Variants in ENTREP2 observed in about 807,000 individuals in gnomAD.
ENTREP2 encodes the protein protein ENTREP2.
chr15:29,625,237 T>C, the ENTREP2 span, among the ~76,000 whole-genome samples: 1 of 152,166 alleles, frequency 6.6e-6, no homozygotes, highest in African/African-American at 2.4e-5. Context: ...TATTTTCTTT[T>C]ATGGATGAAC....
At chr15:29,610,833 T>G in the ENTREP2 span, 3 of 136,998 alleles carry the variant, frequency 2.2e-5, no homozygotes, top group African/African-American at 7.8e-5. Flanking sequence ...GGACTCTTCC[T>G]CCTTCTTTAT....
At chr15:29,642,514 A>G in the ENTREP2 span, among the ~76,000 whole-genome samples, 5 of 148,158 alleles carry the variant, frequency 3.4e-5, no homozygotes, top group African/African-American at 7.4e-5. Context: ...TATATCATAT[A>G]TACATATATA....
At chr15:29,236,399 AC>A in the ENTREP2 span, among the ~76,000 whole-genome samples, 1 of 152,050 alleles carries the variant, frequency 6.6e-6, no homozygotes. Flanking sequence ...TAATCCTAGC[AC>A]TTTTGGAGGC....
At chr15:29,625,973 A>C in the ENTREP2 span, among the ~76,000 whole-genome samples, 1 of 151,928 alleles carries the variant, frequency 6.6e-6, no homozygotes, top group African/African-American at 2.4e-5. Flanking sequence ...CAGCCTCCTA[A>C]GTAGCTGGAA....
the ENTREP2 span, among the ~76,000 whole-genome samples, chr15:29,245,144 C>T: frequency 6.6e-6 from 1 of 152,012 alleles, no homozygotes; most frequent in Admixed American, 6.6e-5. Flanking sequence ...TAAAAAACTG[C>T]AAAAAGTCTT....
At chr15:29,230,456 T>C in the ENTREP2 span, among the ~76,000 whole-genome samples, 2 of 152,178 alleles carry the variant, frequency 1.3e-5, no homozygotes, top group Non-Finnish European at 2.9e-5. Context: ...TGAAAATATT[T>C]AGAGAATATG....
the ENTREP2 span, among the ~76,000 whole-genome samples, chr15:29,421,930 A>G: frequency 6.6e-6 from 1 of 152,218 alleles, no homozygotes; most frequent in Non-Finnish European, 1.5e-5. Context: ...ACATCCTGCC[A>G]GATGCTAAAG....
the ENTREP2 span, among the ~76,000 whole-genome samples, chr15:29,130,427 C>A: frequency 6.6e-6 from 1 of 152,162 alleles, no homozygotes; most frequent in Non-Finnish European, 1.5e-5. Context: ...AATGTCCTAA[C>A]GGTTTGTTTC....
the ENTREP2 span, among the ~76,000 whole-genome samples, chr15:29,404,394 C>T: frequency 6.6e-6 from 1 of 151,992 alleles, no homozygotes; most frequent in Non-Finnish European, 1.5e-5. Context: ...CTCCACTCCC[C>T]AGTCCTGCTC....
the ENTREP2 span, among the ~76,000 whole-genome samples, chr15:29,134,439 T>C: frequency 0.066 from 10,030 of 152,190 alleles, 1,152 homozygotes; most frequent in African/African-American, 0.23. Flanking sequence ...GGGTGGCTGC[T>C]TGGGGACTGT....
At chr15:29,614,748 A>T in the ENTREP2 span, among the ~76,000 whole-genome samples, 1 of 152,210 alleles carries the variant, frequency 6.6e-6, no homozygotes, top group Non-Finnish European at 1.5e-5. Flanking sequence ...GGAAGGTAGA[A>T]GGTGGCAGGA....
the ENTREP2 span, among the ~76,000 whole-genome samples, chr15:29,277,673 G>T: frequency 6.6e-6 from 1 of 152,158 alleles, no homozygotes. Flanking sequence ...AACAGGCCAC[G>T]AACTGGTACT....
At chr15:29,565,104 G>T in the ENTREP2 span, among the ~76,000 whole-genome samples, 2 of 152,086 alleles carry the variant, frequency 1.3e-5, no homozygotes, top group African/African-American at 4.8e-5. Flanking sequence ...TTTCTATCTG[G>T]CAAGACATCA....
the ENTREP2 span, among the ~76,000 whole-genome samples, chr15:29,272,786 T>C: frequency 1.3e-5 from 2 of 152,160 alleles, no homozygotes; most frequent in Non-Finnish European, 1.5e-5. Context: ...TATTCCAAAA[T>C]TGGCAGTGTT....
At chr15:29,291,859 T>C in the ENTREP2 span, among the ~76,000 whole-genome samples, 1 of 152,158 alleles carries the variant, frequency 6.6e-6, no homozygotes, top group South Asian at 2.1e-4. Context: ...GCATAGGTTT[T>C]TTTTTTCTTC....
chr15:29,240,128 C>T, the ENTREP2 span, among the ~76,000 whole-genome samples: 1 of 152,186 alleles, frequency 6.6e-6, no homozygotes, highest in African/African-American at 2.4e-5. Context: ...TTTGGGAGGC[C>T]GAGGCGGGCG....
At chr15:29,491,759 A>T in the ENTREP2 span, among the ~76,000 whole-genome samples, 2 of 152,176 alleles carry the variant, frequency 1.3e-5, no homozygotes, top group Non-Finnish European at 2.9e-5. Context: ...AGGGGAAATT[A>T]TTTACCTTTT....
the ENTREP2 span, among the ~76,000 whole-genome samples, chr15:29,180,786 T>C: frequency 6.6e-6 from 1 of 151,688 alleles, no homozygotes; most frequent in African/African-American, 2.4e-5. Context: ...AAATAAATCA[T>C]AAGGAAAATT....
At chr15:29,597,259 T>C in the ENTREP2 span, among the ~76,000 whole-genome samples, 1 of 152,166 alleles carries the variant, frequency 6.6e-6, no homozygotes, top group Non-Finnish European at 1.5e-5. Context: ...CATTTAGCAA[T>C]ATGCATTTAA....
Sources: allele counts gnomAD v4.1 joint callset (sites outside exome capture counted in the v4.1 genomes callset), GRCh38; gene constraint gnomAD v4.1.1; transcripts MANE v1.5; gene names NCBI Gene and HGNC (gene_info 2026-07-23, HGNC 2026-07-21).